FRMD3: variants seen among roughly 807,000 people sequenced by gnomAD.
FRMD3 encodes the protein FERM domain-containing protein 3.
Under a neutral mutation model 70.2 loss-of-function variants are expected in FRMD3, and 33 were observed. That is an observed-to-expected ratio of 0.47 (90% CI 0.36 to 0.63). The LOEUF is 0.63. Ranked by LOEUF, FRMD3 falls within the 20% of genes least tolerant of loss-of-function variation. The pLI, the probability that FRMD3 is intolerant of heterozygous loss-of-function variation, is 0.00. For missense variants in FRMD3, 632 were observed against 711.4 expected (o/e 0.89, Z 1.27); for synonymous variants, 279 against 255.9 (o/e 1.09, Z -0.86).
intron 3 of FRMD3, among the ~76,000 whole-genome samples, chr9:83,367,861 T>G (rs1824840114): frequency 6.6e-6 from 1 of 152,238 alleles, no homozygotes; most frequent in South Asian, 2.1e-4. Flanking sequence ...CTGCAGGATC[T>G]GTAGTAATGT....
intron 1 of FRMD3, among the ~76,000 whole-genome samples, chr9:83,525,943 A>G (rs1222851595): frequency 6.6e-6 from 1 of 152,172 alleles, no homozygotes; most frequent in African/African-American, 2.4e-5. Context: ...TTCATACCAC[A>G]TGGTTTCTGC....
At chr9:83,358,874 A>T (rs907502389) in intron 3 of FRMD3, among the ~76,000 whole-genome samples, 1 of 152,128 alleles carries the variant, frequency 6.6e-6, no homozygotes, top group Non-Finnish European at 1.5e-5. Context: ...ACCTCTGCAC[A>T]TATGCAAAAT....
At chr9:83,464,594 C>A (rs1319779390) in intron 1 of FRMD3, among the ~76,000 whole-genome samples, 1 of 152,186 alleles carries the variant, frequency 6.6e-6, no homozygotes, top group African/African-American at 2.4e-5. Context: ...GATCGAAACC[C>A]ATGATCAGTG....
chr9:83,522,366 C>T (rs1829589157), intron 1 of FRMD3, among the ~76,000 whole-genome samples: 1 of 152,068 alleles, frequency 6.6e-6, no homozygotes, highest in Non-Finnish European at 1.5e-5. Context: ...GAGGCCAGAA[C>T]AGGGGCGTAG....
At chr9:83,511,398 G>A (rs1829336239) in intron 1 of FRMD3, among the ~76,000 whole-genome samples, 1 of 152,152 alleles carries the variant, frequency 6.6e-6, no homozygotes. Context: ...GTGCTTGTTA[G>A]GCCTCTCCTT....
intron 3 of FRMD3, among the ~76,000 whole-genome samples, chr9:83,359,481 C>T (rs757148022): frequency 3.3e-5 from 5 of 152,106 alleles, no homozygotes; most frequent in Admixed American, 1.3e-4. Flanking sequence ...CCACAGAGAG[C>T]AGGGCATCAA....
At chr9:83,260,647 T>A (rs889295038) in intron 13 of FRMD3, among the ~76,000 whole-genome samples, 2 of 152,150 alleles carry the variant, frequency 1.3e-5, no homozygotes, top group African/African-American at 4.8e-5. Flanking sequence ...ATAGCCACGA[T>A]AGAAGCCACA....
At chr9:83,450,347 G>GTTTT (rs763340189) in intron 1 of FRMD3, among the ~76,000 whole-genome samples, 195 of 111,530 alleles carry the variant, frequency 1.7e-3, no homozygotes, top group East Asian at 3.4e-3. Flanking sequence ...GTCACCCTCA[G>GTTTT]TTTTTTTTTT....
chr9:83,324,472 G>A (rs893508920), intron 6 of FRMD3, among the ~76,000 whole-genome samples: 2 of 152,030 alleles, frequency 1.3e-5, no homozygotes, highest in African/African-American at 2.4e-5. Flanking sequence ...CACACATATT[G>A]TATATACTCT....
intron 1 of FRMD3, among the ~76,000 whole-genome samples, chr9:83,495,429 C>A (rs747093615): frequency 6.6e-6 from 1 of 152,118 alleles, no homozygotes; most frequent in African/African-American, 2.4e-5. Context: ...GAAGTGAAAT[C>A]GTCTGTCAAG....
At chr9:83,370,560 A>T (rs1255808916) in intron 3 of FRMD3, among the ~76,000 whole-genome samples, 1 of 152,188 alleles carries the variant, frequency 6.6e-6, no homozygotes, top group Non-Finnish European at 1.5e-5. Context: ...TTCATTTGTC[A>T]TTAGATTAAG....
At chr9:83,450,379 C>G (rs1283690353) in intron 1 of FRMD3, among the ~76,000 whole-genome samples, 1 of 122,262 alleles carries the variant, frequency 8.2e-6, no homozygotes, top group Non-Finnish European at 1.7e-5. Flanking sequence ...TTATTATACT[C>G]TAAGTTTTAG....
At chr9:83,244,525 T>TGAC, downstream of FRMD3, 1 of 257,120 alleles carries the variant, frequency 3.9e-6, no homozygotes, top group Middle Eastern at 1.8e-3. Context: ...CATTATATGT[T>TGAC]GACCTCATTT....
chr9:83,326,210 T>C (rs547231686), intron 6 of FRMD3, among the ~76,000 whole-genome samples: 1 of 152,268 alleles, frequency 6.6e-6, no homozygotes, highest in East Asian at 1.9e-4. Flanking sequence ...GTAACAGATG[T>C]GAATCTGTTA....
At chr9:83,332,124 G>C (rs1823398712) in intron 6 of FRMD3, among the ~76,000 whole-genome samples, 1 of 152,284 alleles carries the variant, frequency 6.6e-6, no homozygotes. Context: ...TGAGCATTGG[G>C]TGTTTGTTTC....
At chr9:83,368,319 T>TTTTTA (rs4011703) in intron 3 of FRMD3, among the ~76,000 whole-genome samples, 68,507 of 149,694 alleles carry the variant, frequency 0.46, 16,428 homozygotes, top group Non-Finnish European at 0.51. Context: ...GTTAATATAT[T>TTTTTA]TTTTATTTTA....
intron 1 of FRMD3, among the ~76,000 whole-genome samples, chr9:83,485,033 G>A (rs766009709): frequency 8.5e-5 from 13 of 152,094 alleles, no homozygotes; most frequent in Non-Finnish European, 1.8e-4. Flanking sequence ...CAAAGGCCTC[G>A]GCCAGAGAAA....
At chr9:83,410,329 T>C (rs1283247631) in intron 1 of FRMD3, among the ~76,000 whole-genome samples, 2 of 152,110 alleles carry the variant, frequency 1.3e-5, no homozygotes, top group Non-Finnish European at 2.9e-5. Context: ...AGTCCCCAGT[T>C]TCATTGTTGC....
At chr9:83,545,347 T>TTG in the FRMD3 span, among the ~76,000 whole-genome samples, 176 of 124,164 alleles carry the variant, frequency 1.4e-3, 1 homozygote, top group African/African-American at 4.9e-3. Context: ...AAAAGTGTTG[T>TTG]TTTTTTTTGT....
Sources: allele counts gnomAD v4.1 joint callset (sites outside exome capture counted in the v4.1 genomes callset), GRCh38; gene constraint gnomAD v4.1.1; transcripts MANE v1.5; gene names NCBI Gene and HGNC (gene_info 2026-07-23, HGNC 2026-07-21).